Variants in DCAF8 observed in about 807,000 individuals in gnomAD.
DCAF8 encodes the protein DDB1- and CUL4-associated factor 8.
In DCAF8, 20 loss-of-function variants were observed where a neutral mutation model predicts 68.0. The observed-to-expected ratio is 0.29, with a 90% CI of 0.21 to 0.43. DCAF8 has a LOEUF of 0.43. Ranked by LOEUF, DCAF8 falls within the 20% of genes least tolerant of loss-of-function variation. The pLI is 1.00. For missense variants in DCAF8, 460 were observed against 771.0 expected (o/e 0.60, Z 4.78); for synonymous variants, 230 against 276.9 (o/e 0.83, Z 1.68).
chr1:160,253,634 TGA>T (rs1557842470), intron 2 of DCAF8, among the ~76,000 whole-genome samples: 1 of 112,070 alleles, frequency 8.9e-6, no homozygotes, highest in Non-Finnish European at 1.7e-5. Context: ...TGCGACAGGG[TGA>T]GACTCCATCT....
At chr1:160,254,537 T>C (rs1226152513) in intron 2 of DCAF8, among the ~76,000 whole-genome samples, 6 of 152,024 alleles carry the variant, frequency 3.9e-5, no homozygotes, top group Admixed American at 3.9e-4. Flanking sequence ...CTCACGCCTG[T>C]AATCCCCACA....
chr1:160,255,380 T>C (rs1656795965), intron 2 of DCAF8, among the ~76,000 whole-genome samples: 1 of 152,150 alleles, frequency 6.6e-6, no homozygotes, highest in Non-Finnish European at 1.5e-5. Flanking sequence ...GTAATCCTCC[T>C]ACCTTGGCCT....
intron 2 of DCAF8, 93 bp from the exon 3 acceptor site, chr1:160,244,127 T>C (rs1656227922): frequency 2.1e-6 from 2 of 934,332 alleles, no homozygotes; most frequent in Non-Finnish European, 3.4e-6. Context: ...GTACAGGTTT[T>C]ATCATTTTTA....
chr1:160,240,262 T>C lies in DCAF8; in HGVS notation c.158A>G (p.Asp53Gly), dbSNP rs749916823. The C allele has an allele frequency of 1.9e-6, 3 of 1,614,016 alleles. No homozygotes were observed. Among genetic ancestry groups the C allele is most frequent in the Non-Finnish European group, 2.5e-6 (3 of 1,180,010 alleles). Residue 53 changes from aspartate to glycine, a missense_variant, in exon 4 of 14, where the codon GAT (aspartate) becomes GGT (glycine). Physicochemically the swap from Asp to Gly is moderately conservative, Grantham distance 94 (BLOSUM62 -1). Transcript: ENST00000368074. ...ASDLSLSLTGDDGGPNRTSTE... is the reference protein window; with the variant it reads ...ASDLSLSLTGGDGGPNRTSTE... ...GCTGGTGCGGTTGGGGCCACCATCATCCCCAGTCAAGCTCAAACTCAGGTC... is the reference window on the plus strand; with the variant it reads ...GCTGGTGCGGTTGGGGCCACCATCACCCCCAGTCAAGCTCAAACTCAGGTC...
intron 2 of DCAF8, among the ~76,000 whole-genome samples, chr1:160,260,119 G>C (rs1048739719): frequency 1.3e-5 from 2 of 151,102 alleles, no homozygotes; most frequent in Non-Finnish European, 2.9e-5. Context: ...CATTTTTTGA[G>C]TGTGTACCAC....
chr1:160,223,677 C>G (rs561361092), intron 10 of DCAF8, among the ~76,000 whole-genome samples: 22 of 152,274 alleles, frequency 1.4e-4, no homozygotes, highest in African/African-American at 4.3e-4. Flanking sequence ...GCAGGCGGAT[C>G]ACTTGAGCCC....
At chr1:160,256,130 G>T (rs1656828961) in intron 2 of DCAF8, among the ~76,000 whole-genome samples, 1 of 150,400 alleles carries the variant, frequency 6.6e-6, no homozygotes, top group Non-Finnish European at 1.5e-5. Flanking sequence ...TGGGATTACA[G>T]GTACATGCCA....
At chr1:160,220,151 C>T (rs950694161) in intron 11 of DCAF8, 4 of 152,256 alleles carry the variant, frequency 2.6e-5, no homozygotes, top group Non-Finnish European at 5.9e-5. Context: ...ACAGAAACCC[C>T]GTTCTTTATC....
chr1:160,255,511 T>C (rs754384736), intron 2 of DCAF8, among the ~76,000 whole-genome samples: 10 of 152,234 alleles, frequency 6.6e-5, no homozygotes, highest in Non-Finnish European at 1.0e-4. Flanking sequence ...TGATGAGGAT[T>C]CAAACTATGA....
chr1:160,248,108 T>A (rs1359991990), intron 2 of DCAF8, among the ~76,000 whole-genome samples: 2 of 151,250 alleles, frequency 1.3e-5, no homozygotes, highest in African/African-American at 4.9e-5. Context: ...GAGTTCGAGA[T>A]CAGCCTGGCC....
At chr1:160,221,593 A>T (rs1292762425) in intron 11 of DCAF8, among the ~76,000 whole-genome samples, 4 of 152,016 alleles carry the variant, frequency 2.6e-5, no homozygotes, top group Non-Finnish European at 5.9e-5. Flanking sequence ...CTCTGAAAAA[A>T]CCTCATCAAG....
At position 160,240,113 on chromosome 1, in the gene DCAF8, C is replaced by A; in HGVS notation, c.307G>T (p.Glu103Ter). 6.2e-7 allele frequency: 1 copy of A among 1,613,590 alleles called. No homozygotes were observed. Residue 103 changes from glutamate to a stop codon, truncating the protein, a stop_gained, in exon 4 of 14, where the codon GAA becomes TAA. Coordinates refer to ENST00000368074, the MANE Select transcript of DCAF8 (RefSeq NM_015726.4). LOFTEE classifies it high-confidence loss of function. ...NRVHDRSEEE[E>*]EEEEEEEEEQ... ...TCTTCCTCCTCTTCTTCCTCCTCTT[C>A]CTCTTCCTCTGAGCGGTCATGGACT...
Position 160,218,448 on chromosome 1 carries a change from C to T in DCAF8, c.1561-8G>A. 6.2e-7 allele frequency: 1 copy of T among 1,611,782 alleles called. No homozygotes were observed. The highest frequency in any genetic ancestry group is 1.7e-4 in the Middle Eastern group (1 of 6,050). On this transcript the variant is annotated splice_region_variant and splice_polypyrimidine_tract_variant and intron_variant, in intron 12 of 13. Transcript: ENST00000368074. ...CTTGTTCTTCTTAATCACCTGGAAC[C>T]CAAAAAGGTTGGGAAGAGGGGGCAG... is the stretch of plus-strand genomic sequence containing the variant.
intron 2 of DCAF8, among the ~76,000 whole-genome samples, chr1:160,247,632 C>G (rs775001168): frequency 9.8e-5 from 15 of 152,286 alleles, no homozygotes; most frequent in African/African-American, 3.1e-4. Flanking sequence ...ACCAGTGGAG[C>G]ATCTCAAATC....
intron 2 of DCAF8, among the ~76,000 whole-genome samples, chr1:160,259,197 C>G (rs1426109759): frequency 6.6e-6 from 1 of 152,180 alleles, no homozygotes; most frequent in African/African-American, 2.4e-5. Context: ...AACTCTTCAT[C>G]TGTGCTGTCA....
intron 6 of DCAF8, among the ~76,000 whole-genome samples, chr1:160,234,242 C>A (rs1270437455): frequency 5.0e-4 from 70 of 138,748 alleles, no homozygotes; most frequent in African/African-American, 3.9e-4. Flanking sequence ...GACTGCACCT[C>A]AAAAAAAAAA....
intron 8 of DCAF8, 80 bp downstream of exon 8, chr1:160,225,511 C>T: frequency 8.8e-7 from 1 of 1,133,032 alleles, no homozygotes; most frequent in Non-Finnish European, 1.3e-6. Context: ...CAAGCTCTTC[C>T]CACCATACCA....
At chr1:160,242,981 G>A (rs1330736125) in intron 3 of DCAF8, among the ~76,000 whole-genome samples, 1 of 152,176 alleles carries the variant, frequency 6.6e-6, no homozygotes, top group Non-Finnish European at 1.5e-5. Flanking sequence ...GCAGTGATAA[G>A]AACATATGGA....
chr1:160,243,415 T>A (rs558731786), intron 3 of DCAF8, among the ~76,000 whole-genome samples: 1 of 151,432 alleles, frequency 6.6e-6, no homozygotes, highest in East Asian at 1.9e-4. Flanking sequence ...CCTTTTTTTT[T>A]TTTTTTTTTA....
Sources: gnomAD v4.1 joint callset for allele counts (sites outside exome capture counted in the v4.1 genomes callset) on GRCh38, gnomAD v4.1.1 for gene constraint, MANE v1.5 for transcripts, NCBI Gene and HGNC (gene_info 2026-07-23, HGNC 2026-07-21) for gene names.